KATNIP: variants seen among roughly 807,000 people sequenced by gnomAD.
KATNIP encodes the protein katanin-interacting protein.
In KATNIP, 126 loss-of-function variants were observed where a neutral mutation model predicts 174.0. The observed-to-expected ratio is 0.72, with a 90% CI of 0.63 to 0.84. The LOEUF (loss-of-function observed/expected upper bound fraction) is 0.84. Among genes scored for constraint, KATNIP ranks in the 40% least tolerant of loss-of-function variants. The probability of loss-of-function intolerance (pLI) is 0.00; values close to 1 mark genes in which losing one functional copy is unlikely to be tolerated. For missense variants in KATNIP, 1,958 were observed against 2,109.7 expected (o/e 0.93, Z 1.41); for synonymous variants, 810 against 835.7 (o/e 0.97, Z 0.53).
chr16:27,759,935 A>T (rs975336472), intron 18 of KATNIP, among the ~76,000 whole-genome samples: 1 of 152,160 alleles, frequency 6.6e-6, no homozygotes, highest in Non-Finnish European at 1.5e-5. Flanking sequence ...TGCTGGCCAC[A>T]TGTTTTTTTC....
chr16:27,682,569 A>G (rs2078387145), intron 8 of KATNIP, among the ~76,000 whole-genome samples: 1 of 152,152 alleles, frequency 6.6e-6, no homozygotes, highest in Non-Finnish European at 1.5e-5. Context: ...ATGGATCCAG[A>G]CAGTAATTGG....
intron 12 of KATNIP, among the ~76,000 whole-genome samples, chr16:27,707,178 C>A (rs2079347659): frequency 6.6e-6 from 1 of 152,234 alleles, no homozygotes; most frequent in Admixed American, 6.5e-5. Flanking sequence ...GGAACAGTTG[C>A]TGTTCATTTG....
At chr16:27,769,344 T>C (rs1321308875) in intron 20 of KATNIP, among the ~76,000 whole-genome samples, 1 of 152,164 alleles carries the variant, frequency 6.6e-6, no homozygotes, top group Non-Finnish European at 1.5e-5. Flanking sequence ...CAGAGGGGTA[T>C]TGATGTGTGA....
At chr16:27,668,665 C>G (rs910637557) in intron 6 of KATNIP, among the ~76,000 whole-genome samples, 2 of 152,184 alleles carry the variant, frequency 1.3e-5, no homozygotes, top group African/African-American at 4.8e-5. Flanking sequence ...GTCCTCCAGG[C>G]CTGTAAGATG....
In KATNIP at chr16:27,740,861, G is replaced by A. The variant is rs766551419; in HGVS notation, c.2564G>A (p.Arg855Lys). The A allele has an allele frequency of 5.2e-5, 84 of 1,610,150 alleles. No homozygotes were observed. The highest frequency in any genetic ancestry group is 1.1e-5 in the Non-Finnish European group (13 of 1,178,318). The change falls in exon 15 of 28, where the codon AGG becomes AAG. Residue 855 changes from arginine to lysine, a missense_variant. By Grantham distance (26) the Arg-to-Lys change is conservative. Transcript: ENST00000261588. ...AGAGAGCGCCCTGCTAGTGGGAGGA[G>A]GGGCTCAAGGAAGGATGCTGGCAGC... ...PNRERPASGR[R>K]GSRKDAGSSS...
At chr16:27,687,677 A>G (rs2078572995) in intron 8 of KATNIP, among the ~76,000 whole-genome samples, 1 of 152,228 alleles carries the variant, frequency 6.6e-6, no homozygotes, top group Non-Finnish European at 1.5e-5. Flanking sequence ...GTGAAAGAAC[A>G]TTAGTCTTTA....
intron 1 of KATNIP, among the ~76,000 whole-genome samples, chr16:27,557,033 T>C (rs2089655199): frequency 6.6e-6 from 1 of 152,310 alleles, no homozygotes; most frequent in East Asian, 1.9e-4. Context: ...AACATTTCAG[T>C]GCCTTCCGTG....
At chr16:27,642,553 G>A (rs906659481) in intron 5 of KATNIP, among the ~76,000 whole-genome samples, 3 of 152,084 alleles carry the variant, frequency 2.0e-5, no homozygotes, top group African/African-American at 7.2e-5. Context: ...GAAACCCCCG[G>A]TTTTGGTTAT....
chr16:27,741,487 T>C (rs117575783), intron 15 of KATNIP, among the ~76,000 whole-genome samples: 3 of 152,214 alleles, frequency 2.0e-5, no homozygotes, highest in Non-Finnish European at 4.4e-5. Context: ...TGCATAGCAA[T>C]TGACACTTGC....
chr16:27,627,087 T>C (rs1435521105), intron 3 of KATNIP, among the ~76,000 whole-genome samples: 1 of 152,222 alleles, frequency 6.6e-6, no homozygotes, highest in Non-Finnish European at 1.5e-5. Flanking sequence ...AAAACTGATC[T>C]GTAACCCCAC....
At chr16:27,727,253 A>G in intron 14 of KATNIP, 1 of 218,386 alleles carries the variant, frequency 4.6e-6, no homozygotes, top group Non-Finnish European at 1.0e-5. Context: ...CAGTGGCGTG[A>G]TCATGGCTCA....
chr16:27,669,820 T>C (rs1346032486), intron 6 of KATNIP, among the ~76,000 whole-genome samples: 1 of 151,280 alleles, frequency 6.6e-6, no homozygotes, highest in East Asian at 1.9e-4. Flanking sequence ...TATATTTTCT[T>C]TGGGGAGAGG....
intron 1 of KATNIP, among the ~76,000 whole-genome samples, chr16:27,558,020 T>C (rs987907905): frequency 1.9e-4 from 29 of 152,210 alleles, no homozygotes; most frequent in Non-Finnish European, 4.0e-4. Flanking sequence ...GCTTCTCTCA[T>C]TGTGTCTGTC....
chr16:27,764,575 C>T (rs960426083), intron 19 of KATNIP, among the ~76,000 whole-genome samples: 13 of 152,222 alleles, frequency 8.5e-5, no homozygotes, highest in African/African-American at 2.9e-4. Context: ...ATAATCTGGC[C>T]ACTAGGGATG....
chr16:27,699,814 C>T (rs138677397), intron 10 of KATNIP, among the ~76,000 whole-genome samples: 56 of 152,336 alleles, frequency 3.7e-4, no homozygotes, highest in Admixed American at 7.2e-4. Context: ...CCAGGAATGG[C>T]GTGGCTTACC....
chr16:27,613,006 C>G (rs1596927143), intron 2 of KATNIP, among the ~76,000 whole-genome samples: 1 of 152,112 alleles, frequency 6.6e-6, no homozygotes, highest in East Asian at 1.9e-4. Context: ...CGCCTATAAT[C>G]TAAGAACTTT....
At chr16:27,561,412 C>G (rs374267886) in intron 1 of KATNIP, among the ~76,000 whole-genome samples, 4 of 152,214 alleles carry the variant, frequency 2.6e-5, no homozygotes, top group Non-Finnish European at 5.9e-5. Context: ...TCCTGTTCCC[C>G]GCAGCTGCTT....
chr16:27,635,060 T>G (rs918739561), intron 5 of KATNIP, among the ~76,000 whole-genome samples: 13 of 152,192 alleles, frequency 8.5e-5, no homozygotes, highest in African/African-American at 3.1e-4. Flanking sequence ...CCCGTTCTTC[T>G]GTGGGGGGCC....
At chr16:27,683,270 T>G (rs2078411994) in intron 8 of KATNIP, among the ~76,000 whole-genome samples, 1 of 152,200 alleles carries the variant, frequency 6.6e-6, no homozygotes, top group African/African-American at 2.4e-5. Flanking sequence ...GGAAGAACTG[T>G]GGCTAACTGG....
Sources: gnomAD v4.1 joint callset for allele counts (sites outside exome capture counted in the v4.1 genomes callset) on GRCh38, gnomAD v4.1.1 for gene constraint, MANE v1.5 for transcripts, NCBI Gene and HGNC (gene_info 2026-07-23, HGNC 2026-07-21) for gene names.